CSMD1: variants seen among roughly 807,000 people sequenced by gnomAD.
CSMD1 encodes CUB and sushi domain-containing protein 1.
In CSMD1, 213 loss-of-function variants were observed where a neutral mutation model predicts 417.5. That is an observed-to-expected ratio of 0.51 (90% CI 0.46 to 0.57). The LOEUF is 0.57. CSMD1 is among the 20% of genes least tolerant of loss of function. The pLI is 0.00. For missense variants in CSMD1, 6,923 were observed against 4,529.7 expected, an observed-to-expected ratio of 1.53 and a Z score of -15.17; for synonymous variants, 2,862 against 1,736.8, an observed-to-expected ratio of 1.65 and a Z score of -16.11.
Position 4,488,083 on chromosome 8 carries a change from C to G in CSMD1, c.303-68018G>C, listed in dbSNP as rs143435243. Among the ~76,000 whole-genome samples, 10 of 152,292 alleles carry G rather than the reference C, an allele frequency of 6.6e-5. No individual in the cohort carries two copies. In the East Asian group the frequency reaches 1.9e-3, roughly 29 times the overall value. ...TTTCTGTCTCTGCCATGTGAGGACA[C>G]AGCTAGAAGGCACCATCTATAAATA... On this transcript the variant is annotated intron_variant, in intron 2 of 69. Transcript: ENST00000635120.
intron 1 of CSMD1, among the ~76,000 whole-genome samples, chr8:4,684,842 A>G (rs1806272067): frequency 6.6e-6 from 1 of 152,250 alleles, no homozygotes. Flanking sequence ...GTTAAAGAAT[A>G]TAATAGACAA....
At chr8:4,909,370 A>G (rs567787396) in intron 1 of CSMD1, among the ~76,000 whole-genome samples, 1 of 152,146 alleles carries the variant, frequency 6.6e-6, no homozygotes, top group South Asian at 2.1e-4. Flanking sequence ...TAGAAATCCC[A>G]TTTTATTTCC....
chr8:4,913,193 G>A (rs1805818938), intron 1 of CSMD1, among the ~76,000 whole-genome samples: 2 of 152,164 alleles, frequency 1.3e-5, no homozygotes, highest in South Asian at 4.1e-4. Flanking sequence ...TTAGGTTGGT[G>A]CAAACCTAGT....
At chr8:4,928,109 C>T (rs1279203628) in intron 1 of CSMD1, among the ~76,000 whole-genome samples, 1 of 152,146 alleles carries the variant, frequency 6.6e-6, no homozygotes, top group Non-Finnish European at 1.5e-5. Flanking sequence ...CATCCTCAGC[C>T]CACTTTGCTA....
intron 42 of CSMD1, among the ~76,000 whole-genome samples, chr8:3,116,643 G>C (rs1449447374): frequency 2.0e-5 from 3 of 152,180 alleles, no homozygotes; most frequent in Admixed American, 6.5e-5. Context: ...AAAAAAGGTA[G>C]ATTTTGTTAT....
intron 1 of CSMD1, among the ~76,000 whole-genome samples, chr8:4,728,326 T>A (rs1227440893): frequency 6.6e-6 from 1 of 151,766 alleles, no homozygotes; most frequent in Non-Finnish European, 1.5e-5. Flanking sequence ...TGGTTCTCTT[T>A]TTAAAAATGC....
At chr8:4,293,847 G>C (rs1797516452) in intron 3 of CSMD1, among the ~76,000 whole-genome samples, 2 of 152,162 alleles carry the variant, frequency 1.3e-5, no homozygotes, top group South Asian at 2.1e-4. Context: ...GTCCAAAGCT[G>C]TTCTACTAGT....
chr8:3,838,347 G>T (rs981530436), intron 5 of CSMD1, among the ~76,000 whole-genome samples: 2 of 151,682 alleles, frequency 1.3e-5, no homozygotes, highest in African/African-American at 4.8e-5. Context: ...ACCAGCCTGG[G>T]TGATGTCGTG....
chr8:4,705,694 G>C (rs530329210), intron 1 of CSMD1, among the ~76,000 whole-genome samples: 1 of 152,022 alleles, frequency 6.6e-6, no homozygotes, highest in Non-Finnish European at 1.5e-5. Flanking sequence ...ACTCTTTTCT[G>C]AGTGTCTCTT....
chr8:3,742,371 A>G (rs1796849861), intron 6 of CSMD1, among the ~76,000 whole-genome samples: 1 of 152,160 alleles, frequency 6.6e-6, no homozygotes, highest in East Asian at 1.9e-4. Flanking sequence ...TGACCCGAAT[A>G]TTTTTCAAGA....
At chr8:3,640,970 A>G (rs1797276855) in intron 7 of CSMD1, among the ~76,000 whole-genome samples, 1 of 151,526 alleles carries the variant, frequency 6.6e-6, no homozygotes, top group South Asian at 2.1e-4. Context: ...ATGTTAAATA[A>G]GCTTTAGAAA....
At chr8:3,139,962 G>C (rs991995742) in intron 41 of CSMD1, among the ~76,000 whole-genome samples, 26 of 145,374 alleles carry the variant, frequency 1.8e-4, no homozygotes, top group African/African-American at 6.4e-4. Flanking sequence ...GAGTGCAATG[G>C]TGTGATCTTG....
chr8:4,897,000 T>C (rs573053262), intron 1 of CSMD1, among the ~76,000 whole-genome samples: 1 of 152,292 alleles, frequency 6.6e-6, no homozygotes, highest in African/African-American at 2.4e-5. Context: ...TCTCGTTTTT[T>C]ACACTGACTT....
chr8:3,838,361 C>T (rs1350262767), intron 5 of CSMD1, among the ~76,000 whole-genome samples: 1 of 151,308 alleles, frequency 6.6e-6, no homozygotes, highest in African/African-American at 2.4e-5. Flanking sequence ...TGTCGTGAGA[C>T]ACTGTCTCTA....
At chr8:4,180,288 G>A (rs1798286689) in intron 3 of CSMD1, among the ~76,000 whole-genome samples, 1 of 151,990 alleles carries the variant, frequency 6.6e-6, no homozygotes, top group African/African-American at 2.4e-5. Flanking sequence ...GGATATGGAT[G>A]ACACTGGAAA....
At chr8:3,359,931 C>A (rs182327214) in intron 20 of CSMD1, among the ~76,000 whole-genome samples, 1 of 152,296 alleles carries the variant, frequency 6.6e-6, no homozygotes, top group East Asian at 1.9e-4. Flanking sequence ...AGATAATTCA[C>A]TTCAAAACTG....
At chr8:4,694,695 T>G (rs1168130358) in intron 1 of CSMD1, among the ~76,000 whole-genome samples, 11 of 152,086 alleles carry the variant, frequency 7.2e-5, no homozygotes, top group Admixed American at 2.6e-4. Flanking sequence ...GATTGATGTC[T>G]CATGTTTCCC....
chr8:4,087,368 A>G (rs1800474234), intron 3 of CSMD1, among the ~76,000 whole-genome samples: 1 of 152,204 alleles, frequency 6.6e-6, no homozygotes, highest in Admixed American at 6.5e-5. Context: ...TTGCTTCTCA[A>G]AGAACATGAC....
chr8:4,642,873 AG>A (rs1803286220), intron 1 of CSMD1, among the ~76,000 whole-genome samples: 1 of 152,208 alleles, frequency 6.6e-6, no homozygotes, highest in Non-Finnish European at 1.5e-5. Flanking sequence ...GGACTTAGAA[AG>A]ATGTGGACTA....
Sources: gnomAD v4.1 joint callset for allele counts (sites outside exome capture counted in the v4.1 genomes callset) on GRCh38, gnomAD v4.1.1 for gene constraint, MANE v1.5 for transcripts, NCBI Gene and HGNC (gene_info 2026-07-23, HGNC 2026-07-21) for gene names.